GTF3C2: variants seen among roughly 807,000 people sequenced by gnomAD.
The protein encoded by GTF3C2 is general transcription factor IIIC subunit 2.
GTF3C2 carries 17 observed loss-of-function variants against 117.4 expected under a neutral mutation model. The ratio of observed to expected loss-of-function variants is 0.14; its 90% CI spans 0.10 to 0.22. GTF3C2 has a LOEUF of 0.22. Among genes scored for constraint, GTF3C2 ranks in the 10% least tolerant of loss-of-function variants. GTF3C2 has a pLI of 1.00. For synonymous variants in GTF3C2, 437 were observed against 427.0 expected (o/e 1.02, Z -0.29); for missense variants, 888 against 1,143.6 (o/e 0.78, Z 3.22).
chr2:27,331,850 C>T (rs752764075), intron 12 of GTF3C2, among the ~76,000 whole-genome samples: 11 of 151,964 alleles, frequency 7.2e-5, no homozygotes, highest in Admixed American at 6.6e-5. Flanking sequence ...GAGGCTGGGG[C>T]ATTGCTTGAG....
At chr2:27,326,962 T>TA in intron 18 of GTF3C2, 69 bp from the exon 19 acceptor site, 3 of 950,730 alleles carry the variant, frequency 3.2e-6, no homozygotes, top group African/African-American at 1.9e-5. Context: ...CCTAGCTGTA[T>TA]GAACAAAAAA....
intron 4 of GTF3C2, chr2:27,340,261 T>G (rs922607163): frequency 6.6e-6 from 1 of 152,162 alleles, no homozygotes; most frequent in Non-Finnish European, 1.5e-5. Context: ...CTTCTTTTTT[T>G]AAAGACAGAG....
exon 19 of GTF3C2, chr2:27,326,678 G>C: frequency 6.2e-7 from 1 of 1,611,514 alleles, no homozygotes; most frequent in African/African-American, 1.3e-5. Context: ...GCCAAGGCTA[G>C]GGAGTGGGCA....
chr2:27,339,044 A>G (rs1049522909), intron 4 of GTF3C2, among the ~76,000 whole-genome samples: 3 of 152,150 alleles, frequency 2.0e-5, no homozygotes, highest in African/African-American at 7.2e-5. Flanking sequence ...ACTTCTCTAC[A>G]AGTTCTAGAC....
At chr2:27,333,596 A>T (rs1680354106) in intron 12 of GTF3C2, 59 bp downstream of exon 12, 1 of 1,174,162 alleles carries the variant, frequency 8.5e-7, no homozygotes, top group Non-Finnish European at 1.3e-6. Flanking sequence ...CCAAAAAACA[A>T]GCATATATAA....
chr2:27,345,550 G>C (rs180743043), intron 1 of GTF3C2, among the ~76,000 whole-genome samples: 1 of 151,294 alleles, frequency 6.6e-6, no homozygotes, highest in Non-Finnish European at 1.5e-5. Flanking sequence ...CCGAGATCAT[G>C]CCACCGTACT....
chr2:27,350,427 G>A, intron 1 of GTF3C2: 1 of 985,504 alleles, frequency 1.0e-6, no homozygotes. Context: ...TCACGATGAG[G>A]GTTGAGGGAA....
At chr2:27,356,108 G>A in intron 1 of GTF3C2, 1 of 1,289,150 alleles carries the variant, frequency 7.8e-7, no homozygotes, top group Non-Finnish European at 1.0e-6. Flanking sequence ...CTCCAACAAA[G>A]TGAGTTGCCT....
intron 1 of GTF3C2, among the ~76,000 whole-genome samples, chr2:27,344,739 T>C (rs560691415): frequency 1.7e-3 from 252 of 152,216 alleles, no homozygotes; most frequent in African/African-American, 5.9e-3. Context: ...ATTCCAACAC[T>C]TTGAGAGGCC....
chr2:27,326,347 T>C, exon 19 of GTF3C2: 1 of 468,482 alleles, frequency 2.1e-6, no homozygotes, highest in Non-Finnish European at 4.1e-6. Context: ...CCCAGTACCT[T>C]TACTTGGCTT....
intron 1 of GTF3C2, among the ~76,000 whole-genome samples, chr2:27,354,865 GAACA>G (rs1681274787): frequency 6.6e-6 from 1 of 152,092 alleles, no homozygotes. Context: ...TTCATTTAAT[GAACA>G]AATGAGTTAA....
At chr2:27,349,135 CCTGAT>C in intron 1 of GTF3C2, among the ~76,000 whole-genome samples, 1 of 111,354 alleles carries the variant, frequency 9.0e-6, no homozygotes, top group Non-Finnish European at 1.9e-5. Flanking sequence ...CTGTGCCCAG[CCTGAT>C]TTGATTTTTT....
chr2:27,350,509 CAT>C, intron 1 of GTF3C2: 1 of 985,650 alleles, frequency 1.0e-6, no homozygotes, highest in Non-Finnish European at 1.2e-6. Context: ...GCTCAAGAAT[CAT>C]GTGCTGGGCT....
At chr2:27,338,331 T>C in intron 4 of GTF3C2, 3 of 340,064 alleles carry the variant, frequency 8.8e-6, no homozygotes, top group South Asian at 8.5e-5. Flanking sequence ...ATAGTCTCCC[T>C]TACTCCTCTC....
rs150528606 is a variant in GTF3C2 at position 27,351,710 on chromosome 2, A to G, written c.-25+5029T>C. 1.5e-3 allele frequency among the ~76,000 whole-genome samples: 228 copies of G among 152,324 alleles called. 2 individuals are homozygous for G. Among genetic ancestry groups the G allele is most frequent in the African/African-American group, 5.3e-3 (222 of 41,576 alleles). Reference sequence around the variant, plus strand: ...GATTTGTAAAACCTAAATCATATTCAGAATCTTGGATGCAAAAAATTCCAG... The same window carrying G: ...GATTTGTAAAACCTAAATCATATTCGGAATCTTGGATGCAAAAAATTCCAG... On this transcript the variant is annotated intron_variant, in intron 1 of 18. Coordinates refer to ENST00000264720, the Ensembl canonical transcript of GTF3C2.
At chr2:27,338,479 C>CAT (rs1447381474) in intron 4 of GTF3C2, among the ~76,000 whole-genome samples, 1 of 151,918 alleles carries the variant, frequency 6.6e-6, no homozygotes, top group Non-Finnish European at 1.5e-5. Context: ...CACACACACA[C>CAT]ACACTCCTGG....
At chr2:27,345,831 G>C (rs185110935) in intron 1 of GTF3C2, among the ~76,000 whole-genome samples, 6 of 147,046 alleles carry the variant, frequency 4.1e-5, no homozygotes, top group African/African-American at 1.5e-4. Context: ...CTCCTGCCTC[G>C]GCCTTCCGAG....
At chr2:27,337,939 G>T in exon 5 of GTF3C2, 1 of 1,599,120 alleles carries the variant, frequency 6.3e-7, no homozygotes, top group African/African-American at 1.3e-5. Context: ...TCCTTGGTGA[G>T]ATGGAGGCAC....
intron 1 of GTF3C2, among the ~76,000 whole-genome samples, chr2:27,354,055 T>TTA (rs767540882): frequency 6.8e-5 from 8 of 117,176 alleles, no homozygotes; most frequent in African/African-American, 2.6e-4. Flanking sequence ...AGCAAAACAT[T>TTA]AAAAAAAAAA....
Sources: allele counts gnomAD v4.1 joint callset (sites outside exome capture counted in the v4.1 genomes callset), GRCh38; gene constraint gnomAD v4.1.1; transcripts MANE v1.5; gene names NCBI Gene and HGNC (gene_info 2026-07-23, HGNC 2026-07-21).